Variants in CHRNA3 observed in about 807,000 individuals in gnomAD.
CHRNA3 encodes cholinergic receptor nicotinic alpha 3 subunit, also known as neuronal acetylcholine receptor subunit alpha-3.
A neutral mutation model predicts 41.9 loss-of-function variants in CHRNA3; 34 were observed. The observed-to-expected ratio is 0.81, with a 90% confidence interval of 0.62 to 1.08. The LOEUF is 1.08. CHRNA3 is among the 50% of genes least tolerant of loss of function. The pLI is 0.00. For synonymous variants in CHRNA3, 281 were observed against 265.2 expected (o/e 1.06, Z -0.58); for missense variants, 542 against 638.3 (o/e 0.85, Z 1.63).
chr15:78,616,890 T>A, intron 4 of CHRNA3, 134 bp downstream of exon 4: 1 of 600,242 alleles, frequency 1.7e-6, no homozygotes, highest in Non-Finnish European at 2.9e-6. Context: ...GCTGATTACA[T>A]ACCTATGGAC....
Position 78,620,940 on chromosome 15 carries a change from C to T in CHRNA3, c.-146G>A, listed in dbSNP as rs946827819. On this transcript the variant is annotated 5_prime_UTR_variant, in exon 1 of 6. Coordinates refer to ENST00000326828, the MANE Select transcript of CHRNA3 (RefSeq NM_000743.5). The stretch of plus-strand genomic sequence containing the variant: ...ACGCGCGGGGCTCCTCTCCGCTTCG[C>T]CGCCGCTGGGTTTCCAGCGCCCTCG... The T allele has an allele frequency of 9.0e-6, 10 of 1,111,780 alleles. No homozygotes were observed. The African/African-American group carries it at 1.6e-4, about 18-fold the overall frequency. The allele number at this position is 1,111,780 out of a possible 1,614,324, so 68.9% of individuals were successfully genotyped here.
At chr15:78,619,279 G>A in intron 1 of CHRNA3, 1 of 271,046 alleles carries the variant, frequency 3.7e-6, no homozygotes. Flanking sequence ...GATTATAAAC[G>A]TATCCACCTC....
At position 78,617,150 on chromosome 15, in the gene CHRNA3, GGGAGGGA is replaced by G. The variant is rs1221658037; in HGVS notation, c.268-24_268-18del. On this transcript the variant is annotated intron_variant, in intron 3 of 5. Coordinates refer to ENST00000326828, the MANE Select transcript of CHRNA3 (RefSeq NM_000743.5). ...ATTCCAGATCTCGGGGAAGGAAGCA[GGGAGGGA>G]GAAGGAGACGGTAAAAGAATCAGCC... The G allele has an allele frequency of 6.5e-7, 1 of 1,543,596 alleles. No homozygotes were observed. Among genetic ancestry groups the G allele is most frequent in the Admixed American group, 1.7e-5 (1 of 59,520 alleles).
chr15:78,616,853 A>G (rs569631036), intron 4 of CHRNA3, among the ~76,000 whole-genome samples, 171 bp downstream of exon 4: 1 of 152,306 alleles, frequency 6.6e-6, no homozygotes, highest in East Asian at 1.9e-4. Flanking sequence ...GCTCTCCAAC[A>G]TCTCTGGTAC....
downstream of CHRNA3, chr15:78,593,235 T>G (rs1318987637): frequency 3.1e-6 from 5 of 1,610,600 alleles, no homozygotes; most frequent in East Asian, 1.1e-4. Context: ...CAGTTCATAT[T>G]GGAAATGCAA....
intron 3 of CHRNA3, among the ~76,000 whole-genome samples, chr15:78,617,498 A>C (rs537472164): frequency 6.6e-6 from 1 of 152,118 alleles, no homozygotes; most frequent in African/African-American, 2.4e-5. Flanking sequence ...CAGCCCCTGA[A>C]TGGCTCTCCA....
At chr15:78,609,989 C>G (rs576105644) in intron 4 of CHRNA3, among the ~76,000 whole-genome samples, 16 of 152,300 alleles carry the variant, frequency 1.1e-4, no homozygotes, top group Admixed American at 2.6e-4. Flanking sequence ...AAGGCCATTA[C>G]ATAATGGTAA....
At chr15:78,603,142 T>C (rs1377014901) in intron 4 of CHRNA3, among the ~76,000 whole-genome samples, 1 of 152,164 alleles carries the variant, frequency 6.6e-6, no homozygotes, top group African/African-American at 2.4e-5. Context: ...GCCTCCTGAG[T>C]AGCTGGAATT....
chr15:78,595,454 A>G lies in CHRNA3; in HGVS notation c.*1150T>C, dbSNP rs749948376. 35 of 983,702 alleles carry G rather than the reference A, an allele frequency of 3.6e-5. No homozygotes were observed. The highest frequency in any genetic ancestry group is 6.1e-5 in the Admixed American group (1 of 16,262). 60.9% of individuals were successfully genotyped at this position (983,702 alleles called of 1,614,324 possible). ...TACTCTTAACAATTTGTCTAAAGCA[A>G]TGTTTCTCAACCAGGGGCAATTTTG... On this transcript the variant is annotated 3_prime_UTR_variant, in exon 6 of 6. Transcript: ENST00000326828.
At chr15:78,606,879 AAAAAC>A (rs1295472521) in intron 4 of CHRNA3, among the ~76,000 whole-genome samples, 96 of 152,222 alleles carry the variant, frequency 6.3e-4, no homozygotes, top group African/African-American at 1.6e-3. Context: ...TCTGTCTCAA[AAAAAC>A]AAAACAAAAC....
At chr15:78,608,896 T>C (rs1468360406) in intron 4 of CHRNA3, among the ~76,000 whole-genome samples, 8 of 152,146 alleles carry the variant, frequency 5.3e-5, no homozygotes, top group African/African-American at 1.7e-4. Flanking sequence ...AAGGAGCTGA[T>C]GGAGCTGAAA....
At position 78,595,360 on chromosome 15, in the gene CHRNA3, TCAAA is replaced by T; in HGVS notation, c.*1240_*1243del. 2.2e-6 allele frequency: 2 copies of T among 899,304 alleles called. No individual in the cohort carries two copies. Among genetic ancestry groups the T allele is most frequent in the Admixed American group, 1.5e-4 (1 of 6,824 alleles). 55.7% of individuals were successfully genotyped at this position (899,304 alleles called of 1,614,324 possible). On this transcript the variant is annotated 3_prime_UTR_variant, in exon 6 of 6. Coordinates refer to ENST00000326828, the MANE Select transcript of CHRNA3 (RefSeq NM_000743.5). Reference sequence around the variant, plus strand: ...ACAGGAAAAACTAGTGAGACAAGATTCAAACAGTCTCTGTGAATCATCTGTCAGT... The same window carrying T: ...ACAGGAAAAACTAGTGAGACAAGATTCAGTCTCTGTGAATCATCTGTCAGT...
At chr15:78,597,890 T>C (rs982901487) in intron 5 of CHRNA3, among the ~76,000 whole-genome samples, 2 of 152,216 alleles carry the variant, frequency 1.3e-5, no homozygotes, top group African/African-American at 4.8e-5. Flanking sequence ...TACATCACCA[T>C]TGTGAGCCTG....
chr15:78,614,695 G>A (rs945582622), intron 4 of CHRNA3, among the ~76,000 whole-genome samples: 2 of 152,140 alleles, frequency 1.3e-5, no homozygotes, highest in African/African-American at 2.4e-5. Context: ...CAACTGTTTT[G>A]CTGAAAATGT....
intron 4 of CHRNA3, among the ~76,000 whole-genome samples, chr15:78,612,880 AC>A (rs1316495521): frequency 2.8e-5 from 4 of 142,258 alleles, no homozygotes; most frequent in African/African-American, 1.1e-4. Flanking sequence ...CAAGAAAAAA[AC>A]AAACAACCCC....
At position 78,620,706 on chromosome 15, in the gene CHRNA3, C is replaced by A. The variant is rs1408549097; in HGVS notation, c.82+7G>T. ...TCCCTCCGGAGCCCTAACGCCTGTG[C>A]GCGTACCTGGCAGCAGAGACAGCAG... On this transcript the variant is annotated splice_region_variant and intron_variant, in intron 1 of 5. Transcript: ENST00000326828. The A allele has an allele frequency of 1.3e-6, 2 of 1,502,806 alleles. No individual in the cohort carries two copies. The highest frequency in any genetic ancestry group is 1.5e-5 in the African/African-American group (1 of 68,086). The allele number at this position is 1,502,806 out of a possible 1,614,324, so 93.1% of individuals were successfully genotyped here. A position where few individuals can be genotyped will look rare whatever the true frequency, so the allele number is the denominator to read the frequency against.
downstream of CHRNA3, chr15:78,594,113 CA>C (rs2053059219): frequency 6.6e-6 from 1 of 152,126 alleles, no homozygotes; most frequent in Admixed American, 6.5e-5. Context: ...AAATGAAAAA[CA>C]GGAATTGGGA....
chr15:78,596,574 AG>A lies in CHRNA3; in HGVS notation c.*29del. 6.7e-7 allele frequency: 1 copy of A among 1,501,596 alleles called. No individual in the cohort carries two copies. The highest frequency in any genetic ancestry group is 1.4e-5 in the African/African-American group (1 of 70,724). 93.0% of individuals were successfully genotyped at this position (1,501,596 alleles called of 1,614,324 possible). A position where few individuals can be genotyped will look rare whatever the true frequency, so the allele number is the denominator to read the frequency against. ...GCCTCCTCCTGCCCTGACACAAGGAAGTCTCCCAGGCAGGCACACAGCTTAG... is the reference window on the plus strand; with the variant it reads ...GCCTCCTCCTGCCCTGACACAAGGAATCTCCCAGGCAGGCACACAGCTTAG... On this transcript the variant is annotated 3_prime_UTR_variant, in exon 6 of 6. Coordinates refer to ENST00000326828, the MANE Select transcript of CHRNA3 (RefSeq NM_000743.5).
intron 1 of CHRNA3, chr15:78,619,205 G>A (rs192700153): frequency 6.3e-5 from 30 of 475,728 alleles, no homozygotes; most frequent in East Asian, 3.8e-4. Context: ...TCACTTGTAA[G>A]CTGTGTGAGC....
Sources: allele counts gnomAD v4.1 joint callset (sites outside exome capture counted in the v4.1 genomes callset), GRCh38; gene constraint gnomAD v4.1.1; transcripts MANE v1.5; gene names NCBI Gene and HGNC (gene_info 2026-07-23, HGNC 2026-07-21).